RASGRF2: variants seen among roughly 807,000 people sequenced by gnomAD.
The protein encoded by RASGRF2 is ras-specific guanine nucleotide-releasing factor 2.
RASGRF2 carries 76 observed loss-of-function variants against 151.0 expected under a neutral mutation model. The observed-to-expected ratio is 0.50, with a 90% CI of 0.42 to 0.61. The LOEUF (loss-of-function observed/expected upper bound fraction) is 0.61, where lower values mean the gene tolerates loss of function less well. RASGRF2 is among the 20% of genes least tolerant of loss of function. The probability of loss-of-function intolerance (pLI) is 0.00; values close to 1 mark genes in which losing one functional copy is unlikely to be tolerated. For synonymous variants in RASGRF2, 504 were observed against 566.5 expected (o/e 0.89, Z 1.57); for missense variants, 1,148 against 1,564.6 (o/e 0.73, Z 4.49).
rs576507570 is a variant in RASGRF2 at position 81,071,535 on chromosome 5, TACAACTTTAAATA to T, written c.633+955_633+967del. Among the ~76,000 whole-genome samples, 71 of 152,308 alleles carry T rather than the reference TACAACTTTAAATA, an allele frequency of 4.7e-4. 1 individual carries two copies. The South Asian group carries it at 0.015, about 32-fold the overall frequency. ...TTAAATTATATTTTATATTCTTTTT[TACAACTTTAAATA>T]TTGCTCAGAATTTGAAATAGAAATG... On this transcript the variant is annotated intron_variant, in intron 4 of 26. Coordinates refer to ENST00000265080, the MANE Select transcript of RASGRF2 (RefSeq NM_006909.3).
chr5:81,213,493 TAC>T (rs1561263211), intron 23 of RASGRF2, among the ~76,000 whole-genome samples: 1 of 152,192 alleles, frequency 6.6e-6, no homozygotes, highest in Non-Finnish European at 1.5e-5. Flanking sequence ...GAGGGGAATC[TAC>T]AGAGTGCCAC....
intron 4 of RASGRF2, among the ~76,000 whole-genome samples, chr5:81,070,903 C>A (rs760906600): frequency 2.0e-5 from 3 of 152,070 alleles, no homozygotes; most frequent in Non-Finnish European, 4.4e-5. Flanking sequence ...AATTACATTT[C>A]AAAAATATTT....
chr5:81,174,710 A>C (rs1263130305), intron 17 of RASGRF2, among the ~76,000 whole-genome samples: 2 of 152,222 alleles, frequency 1.3e-5, no homozygotes, highest in Non-Finnish European at 2.9e-5. Flanking sequence ...CACACTAAGA[A>C]AAGCTCTGGT....
chr5:81,207,306 A>G lies in RASGRF2; in HGVS notation c.3028A>G (p.Ile1010Val). The change falls in exon 21 of 27, where the codon ATC becomes GTC. Residue 1010 changes from isoleucine to valine, a missense_variant. This residue lies in a region of RASGRF2 where 646 missense variants were observed against 807.4 expected (regional missense o/e 0.80). Transcript: ENST00000265080. ...SLSAMELAEQ[I>V]TLLDHVIFRS... Reference sequence around the variant, plus strand: ...GTCGGCCATGGAGCTGGCAGAACAGATCACCCTCCTGGACCATGTCATTTT... The same window carrying G: ...GTCGGCCATGGAGCTGGCAGAACAGGTCACCCTCCTGGACCATGTCATTTT... 1.2e-6 allele frequency: 2 copies of G among 1,614,118 alleles called. No individual in the cohort carries two copies. Among genetic ancestry groups the G allele is most frequent in the Non-Finnish European group, 1.7e-6 (2 of 1,180,018 alleles).
intron 1 of RASGRF2, among the ~76,000 whole-genome samples, chr5:81,039,152 A>G (rs1750603422): frequency 1.3e-5 from 2 of 152,184 alleles, no homozygotes; most frequent in Admixed American, 1.3e-4. Flanking sequence ...TTAGAATTAG[A>G]TAATAACATT....
At chr5:81,171,709 A>G (rs1754662174) in intron 17 of RASGRF2, among the ~76,000 whole-genome samples, 1 of 151,952 alleles carries the variant, frequency 6.6e-6, no homozygotes, top group South Asian at 2.1e-4. Context: ...CTCTATTTTA[A>G]TTTTCCAACT....
intron 4 of RASGRF2, among the ~76,000 whole-genome samples, chr5:81,071,014 A>G (rs1751758351): frequency 1.3e-5 from 2 of 152,070 alleles, no homozygotes; most frequent in Non-Finnish European, 2.9e-5. Context: ...CTGTTTTATT[A>G]TTGCTTCTTG....
intron 1 of RASGRF2, among the ~76,000 whole-genome samples, chr5:81,018,112 A>AG (rs2112330238): frequency 6.6e-6 from 1 of 152,144 alleles, no homozygotes; most frequent in Non-Finnish European, 1.5e-5. Context: ...GTCTCAAAAA[A>AG]AAAAGAAAGA....
intron 7 of RASGRF2, among the ~76,000 whole-genome samples, chr5:81,081,294 G>A (rs1187188157): frequency 6.6e-6 from 1 of 152,106 alleles, no homozygotes; most frequent in African/African-American, 2.4e-5. Flanking sequence ...ACAAAAGGAG[G>A]ACCTCCCTGG....
chr5:81,077,798 A>G (rs1264461024), intron 5 of RASGRF2, among the ~76,000 whole-genome samples: 1 of 152,196 alleles, frequency 6.6e-6, no homozygotes, highest in Non-Finnish European at 1.5e-5. Flanking sequence ...GAGAGCTGCT[A>G]TAAAGAGGAA....
chr5:81,160,902 T>C (rs1580369281), intron 17 of RASGRF2, among the ~76,000 whole-genome samples: 3 of 152,108 alleles, frequency 2.0e-5, no homozygotes, highest in Admixed American at 2.0e-4. Flanking sequence ...CAACAAACTC[T>C]GAAGCAAGCT....
At chr5:81,178,744 CT>C (rs57705439) in intron 17 of RASGRF2, among the ~76,000 whole-genome samples, 65 of 147,388 alleles carry the variant, frequency 4.4e-4, no homozygotes, top group Admixed American at 4.7e-4. Context: ...GTATAGACAA[CT>C]TTTTTTTTTT....
At chr5:81,032,529 G>A (rs1350794511) in intron 1 of RASGRF2, among the ~76,000 whole-genome samples, 3 of 152,126 alleles carry the variant, frequency 2.0e-5, no homozygotes, top group Non-Finnish European at 4.4e-5. Flanking sequence ...CATATAAACA[G>A]AACCAAAGAC....
In RASGRF2 at chr5:81,180,156, T is replaced by C. The variant is rs1279147845; in HGVS notation, c.2687-19T>C. 1 of 1,450,134 alleles carries C rather than the reference T, an allele frequency of 6.9e-7. No individual in the cohort carries two copies. 89.8% of individuals were successfully genotyped at this position (1,450,134 alleles called of 1,614,324 possible). ...AGTGGCTTTAACTGCAACACGTGTG[T>C]GTTTCTTTTTCTCCTAAGGCTTTAA... On this transcript the variant is annotated intron_variant, in intron 17 of 26. Coordinates refer to ENST00000265080, the MANE Select transcript of RASGRF2 (RefSeq NM_006909.3).
At chr5:80,978,502 G>T (rs1020727602) in intron 1 of RASGRF2, among the ~76,000 whole-genome samples, 1 of 152,180 alleles carries the variant, frequency 6.6e-6, no homozygotes, top group African/African-American at 2.4e-5. Context: ...GGGGGACAAG[G>T]CCAGGCACAG....
chr5:80,987,735 G>T (rs889664416), intron 1 of RASGRF2, among the ~76,000 whole-genome samples: 3 of 152,074 alleles, frequency 2.0e-5, no homozygotes, highest in Non-Finnish European at 4.4e-5. Flanking sequence ...CTGTGAAATA[G>T]CTCATCACAG....
rs973089547 is a variant in RASGRF2, at chr5:81,100,001, G to A, written c.1755+5009G>A. Among the ~76,000 whole-genome samples the A allele has an allele frequency of 2.1e-5, 3 of 145,800 alleles. No individual in the cohort carries two copies. In the Admixed American group the frequency reaches 2.1e-4, roughly 10 times the overall value. On this transcript the variant is annotated intron_variant, in intron 12 of 26. Coordinates refer to ENST00000265080, the MANE Select transcript of RASGRF2 (RefSeq NM_006909.3). ...CGGCTCACTGCAAGCTCCGCCTCCC[G>A]GGTTCACGCCATTCTCCTGCGTCAG... is the stretch of plus-strand genomic sequence containing the variant.
intron 1 of RASGRF2, among the ~76,000 whole-genome samples, chr5:81,019,873 C>T (rs1448784642): frequency 2.6e-5 from 4 of 152,100 alleles, no homozygotes; most frequent in Non-Finnish European, 5.9e-5. Flanking sequence ...TCAAATGATA[C>T]AGAAATGTGG....
chr5:81,141,413 G>A (rs1291919191), intron 17 of RASGRF2, among the ~76,000 whole-genome samples: 1 of 152,122 alleles, frequency 6.6e-6, no homozygotes, highest in Non-Finnish European at 1.5e-5. Context: ...GGCACAGTGG[G>A]GACCGTCTCT....
Sources: allele counts gnomAD v4.1 joint callset (sites outside exome capture counted in the v4.1 genomes callset), GRCh38; gene constraint gnomAD v4.1.1; regional missense constraint gnomAD v4.1.1; transcripts MANE v1.5; gene names NCBI Gene and HGNC (gene_info 2026-07-23, HGNC 2026-07-21).